Variants in LSAMP observed in about 807,000 individuals in gnomAD.
LSAMP encodes limbic system associated membrane protein, also known as limbic system-associated membrane protein.
LSAMP carries 7 observed loss-of-function variants against 38.6 expected under a neutral mutation model. That is an observed-to-expected ratio of 0.18 (90% confidence interval 0.10 to 0.34). The LOEUF (loss-of-function observed/expected upper bound fraction) is 0.34, where lower values mean the gene tolerates loss of function less well. LSAMP is among the 10% of genes least tolerant of loss of function. The probability of loss-of-function intolerance (pLI) is 1.00; values close to 1 mark genes in which losing one functional copy is unlikely to be tolerated. For synonymous variants in LSAMP, 154 were observed against 166.8 expected (o/e 0.92, Z 0.59); for missense variants, 313 against 420.0 (o/e 0.75, Z 2.23).
At chr3:116,024,167 A>T (rs1191520434) in intron 2 of LSAMP, among the ~76,000 whole-genome samples, 1 of 152,152 alleles carries the variant, frequency 6.6e-6, no homozygotes, top group African/African-American at 2.4e-5. Flanking sequence ...ACAGCACTGA[A>T]TCATGACAGC....
chr3:116,300,869 A>T (rs1057173622), intron 1 of LSAMP, among the ~76,000 whole-genome samples: 8 of 152,198 alleles, frequency 5.3e-5, no homozygotes, highest in Non-Finnish European at 1.2e-4. Context: ...ACAAAAGACC[A>T]ATCCAACCTC....
At chr3:116,216,968 T>C (rs1412408926) in intron 1 of LSAMP, among the ~76,000 whole-genome samples, 1 of 152,220 alleles carries the variant, frequency 6.6e-6, no homozygotes, top group Non-Finnish European at 1.5e-5. Flanking sequence ...AGATAAGCAC[T>C]TAAAGTGAGG....
chr3:116,074,166 G>A (rs1707677816), intron 2 of LSAMP, among the ~76,000 whole-genome samples: 1 of 152,134 alleles, frequency 6.6e-6, no homozygotes, highest in African/African-American at 2.4e-5. Context: ...TTCTAAGGTA[G>A]GTGCACTGGA....
At chr3:116,381,400 T>C (rs1178283482) in intron 1 of LSAMP, among the ~76,000 whole-genome samples, 1 of 152,086 alleles carries the variant, frequency 6.6e-6, no homozygotes, top group Non-Finnish European at 1.5e-5. Flanking sequence ...TTGAGGGTTG[T>C]ATATGGAATG....
At chr3:115,901,398 G>T (rs548151348) in intron 3 of LSAMP, among the ~76,000 whole-genome samples, 2 of 152,174 alleles carry the variant, frequency 1.3e-5, no homozygotes, top group Non-Finnish European at 2.9e-5. Flanking sequence ...CCTTGATGTA[G>T]ATGCTTCCCG....
chr3:116,034,455 C>G (rs1559928328), intron 2 of LSAMP, among the ~76,000 whole-genome samples: 1 of 152,062 alleles, frequency 6.6e-6, no homozygotes, highest in Non-Finnish European at 1.5e-5. Flanking sequence ...TGGAATATAA[C>G]TTGGCCCCCA....
intron 1 of LSAMP, among the ~76,000 whole-genome samples, chr3:116,192,248 G>A (rs762337087): frequency 6.6e-6 from 1 of 152,194 alleles, no homozygotes; most frequent in Non-Finnish European, 1.5e-5. Flanking sequence ...GTGAGAGGTA[G>A]CTTGAGAAGC....
intron 6 of LSAMP, among the ~76,000 whole-genome samples, chr3:115,811,874 T>C (rs1404838997): frequency 6.6e-6 from 1 of 152,210 alleles, no homozygotes; most frequent in Non-Finnish European, 1.5e-5. Flanking sequence ...TGTTTTACAG[T>C]GAAATGATCG....
chr3:116,270,989 A>AGATT (rs1477582796), intron 1 of LSAMP, among the ~76,000 whole-genome samples: 1 of 152,142 alleles, frequency 6.6e-6, no homozygotes, highest in East Asian at 1.9e-4. Flanking sequence ...GATAGAGTAC[A>AGATT]GATTCTTTTC....
In LSAMP at chr3:116,313,524, C is replaced by G. The variant is rs545557186; in HGVS notation, c.155+131353G>C. Reference sequence around the variant, plus strand: ...GTGTTTTCTCTTATTCAAGTGAGGGCAAGCACCTTCTAGTCCACAGGGGTT... The same window carrying G: ...GTGTTTTCTCTTATTCAAGTGAGGGGAAGCACCTTCTAGTCCACAGGGGTT... On this transcript the variant is annotated intron_variant, in intron 1 of 6. Coordinates refer to ENST00000490035, the MANE Select transcript of LSAMP (RefSeq NM_002338.5). 8.5e-5 allele frequency among the ~76,000 whole-genome samples: 13 copies of G among 152,324 alleles called. 1 individual carries two copies. The South Asian group carries it at 2.7e-3, about 32-fold the overall frequency.
intron 3 of LSAMP, among the ~76,000 whole-genome samples, chr3:115,934,539 A>T (rs913809659): frequency 4.6e-5 from 7 of 152,200 alleles, no homozygotes; most frequent in African/African-American, 1.7e-4. Context: ...TGTAAAATAC[A>T]TATATACTAT....
intron 1 of LSAMP, among the ~76,000 whole-genome samples, chr3:116,136,077 G>C (rs1193703914): frequency 6.6e-6 from 1 of 152,110 alleles, no homozygotes; most frequent in Non-Finnish European, 1.5e-5. Context: ...GATTTGTGAG[G>C]CTACAAGGTG....
chr3:115,819,646 C>A (rs1934163160), intron 6 of LSAMP, among the ~76,000 whole-genome samples: 1 of 152,158 alleles, frequency 6.6e-6, no homozygotes, highest in South Asian at 2.1e-4. Flanking sequence ...CCCAAATATT[C>A]TACTCTGTGA....
At chr3:116,259,529 C>T (rs2046797675) in intron 1 of LSAMP, among the ~76,000 whole-genome samples, 1 of 152,082 alleles carries the variant, frequency 6.6e-6, no homozygotes, top group Admixed American at 6.6e-5. Context: ...GTGTTTGTGT[C>T]ATATTTTAAG....
intron 1 of LSAMP, among the ~76,000 whole-genome samples, chr3:116,276,259 T>G (rs1403510627): frequency 6.6e-6 from 1 of 152,168 alleles, no homozygotes; most frequent in Non-Finnish European, 1.5e-5. Flanking sequence ...TATAGGTGAG[T>G]GTGCCTCTGA....
chr3:115,822,183 G>A (rs1381573781), intron 6 of LSAMP, among the ~76,000 whole-genome samples: 1 of 152,000 alleles, frequency 6.6e-6, no homozygotes. Flanking sequence ...TATTCATGTT[G>A]TATAAACCTC....
At chr3:116,040,004 A>G (rs4831226) in intron 2 of LSAMP, among the ~76,000 whole-genome samples, 17,789 of 150,754 alleles carry the variant, frequency 0.12, 1,259 homozygotes, top group Non-Finnish European at 0.16. Flanking sequence ...TGGGGGGGGA[A>G]AAAAACTGGT....
intron 3 of LSAMP, among the ~76,000 whole-genome samples, chr3:115,871,335 A>G (rs1313772892): frequency 6.6e-6 from 1 of 151,984 alleles, no homozygotes; most frequent in Non-Finnish European, 1.5e-5. Flanking sequence ...AAGTTTATTC[A>G]GCAGAGACAG....
chr3:116,151,372 A>T (rs1006327838), intron 1 of LSAMP, among the ~76,000 whole-genome samples: 5 of 152,012 alleles, frequency 3.3e-5, no homozygotes, highest in Non-Finnish European at 5.9e-5. Context: ...AAGAATGTGT[A>T]GAGGTTAACC....
Sources: gnomAD v4.1 joint callset for allele counts (sites outside exome capture counted in the v4.1 genomes callset) on GRCh38, gnomAD v4.1.1 for gene constraint, MANE v1.5 for transcripts, NCBI Gene and HGNC (gene_info 2026-07-23, HGNC 2026-07-21) for gene names.